The following CLSTN2 variants were observed in gnomAD, a reference collection of about 807,000 sequenced individuals.
CLSTN2 encodes calsyntenin-2.
CLSTN2 carries 48 observed loss-of-function variants against 101.2 expected under a neutral mutation model. That is an observed-to-expected ratio of 0.47 (90% CI 0.38 to 0.60). CLSTN2 has a LOEUF of 0.60. CLSTN2 is among the 20% of genes least tolerant of loss of function. The pLI is 0.00. For synonymous variants in CLSTN2, 481 were observed against 463.6 expected (o/e 1.04, Z -0.48); for missense variants, 1,160 against 1,238.2 (o/e 0.94, Z 0.95).
intron 1 of CLSTN2, among the ~76,000 whole-genome samples, chr3:140,173,514 C>T (rs2010271578): frequency 1.3e-5 from 2 of 152,208 alleles, no homozygotes; most frequent in South Asian, 4.1e-4. Flanking sequence ...CACAGCTCCA[C>T]TAGGCGATTC....
intron 3 of CLSTN2, 106 bp downstream of exon 3, chr3:140,403,930 T>C (rs1428764034): frequency 4.1e-6 from 4 of 968,978 alleles, no homozygotes; most frequent in Non-Finnish European, 6.1e-6. Flanking sequence ...CACACAATGG[T>C]GCTCCAACTT....
chr3:140,373,387 C>T (rs2087880038), intron 2 of CLSTN2, among the ~76,000 whole-genome samples: 1 of 152,194 alleles, frequency 6.6e-6, no homozygotes, highest in Non-Finnish European at 1.5e-5. Context: ...AAGCATAAAA[C>T]ATGCCCAGTG....
rs547537605 is a variant in CLSTN2, at chr3:140,187,114, C to G, written c.232+11041C>G. ...TGAAGTCCCTAAAGAGGTGAGACAC[C>G]AGGTATAACACTGCAGCCTGCCCTC... is the stretch of plus-strand genomic sequence containing the variant. On this transcript the variant is annotated intron_variant, in intron 2 of 16. Transcript: ENST00000458420. 2.6e-5 allele frequency among the ~76,000 whole-genome samples: 4 copies of G among 152,236 alleles called. No homozygotes were observed. The South Asian group carries it at 8.3e-4, about 32-fold the overall frequency.
Position 140,013,799 on chromosome 3 carries a change from C to T in CLSTN2, c.109+78316C>T, listed in dbSNP as rs564862141. 5.3e-5 allele frequency among the ~76,000 whole-genome samples: 8 copies of T among 152,258 alleles called. No individual in the cohort carries two copies. In the South Asian group the frequency reaches 1.5e-3, roughly 28 times the overall value. On this transcript the variant is annotated intron_variant, in intron 1 of 16. Coordinates refer to ENST00000458420, the MANE Select transcript of CLSTN2 (RefSeq NM_022131.3). ...TATAAGCTGACTCCTCCAGATGTCA[C>T]TAGCCAGCGTTAGAGGTGGGGGCAG...
intron 1 of CLSTN2, among the ~76,000 whole-genome samples, chr3:140,042,004 C>T (rs1376512940): frequency 6.6e-6 from 1 of 152,164 alleles, no homozygotes; most frequent in African/African-American, 2.4e-5. Context: ...ATATATATCT[C>T]AGCTTTCTTG....
intron 8 of CLSTN2, among the ~76,000 whole-genome samples, chr3:140,473,381 G>A (rs1232828349): frequency 6.6e-6 from 1 of 152,190 alleles, no homozygotes; most frequent in Admixed American, 6.5e-5. Flanking sequence ...TGAATATGTG[G>A]CATTACATGG....
intron 1 of CLSTN2, among the ~76,000 whole-genome samples, chr3:140,126,695 G>A (rs1426571011): frequency 6.6e-6 from 1 of 152,134 alleles, no homozygotes; most frequent in African/African-American, 2.4e-5. Context: ...TTTTCCTAAT[G>A]ACCTGTATCT....
Position 139,961,418 on chromosome 3 carries a change from G to T in CLSTN2, c.109+25935G>T, listed in dbSNP as rs187300974. ...ATGGATGTGGCAGAGGAGGCATTAA[G>T]TGAAGAAAAAGACCTCACCTCTGTC... On this transcript the variant is annotated intron_variant, in intron 1 of 16. Transcript: ENST00000458420. 4.0e-4 allele frequency among the ~76,000 whole-genome samples: 61 copies of T among 152,298 alleles called. No individual in the cohort carries two copies. In the East Asian group the frequency reaches 0.01, roughly 26 times the overall value.
intron 1 of CLSTN2, among the ~76,000 whole-genome samples, chr3:140,098,393 C>T (rs1009291091): frequency 1.3e-5 from 2 of 152,300 alleles, no homozygotes; most frequent in Admixed American, 6.5e-5. Flanking sequence ...TTCACAAGTA[C>T]TTGGCTACTA....
intron 7 of CLSTN2, chr3:140,462,934 A>AATGTTC (rs1340829289): frequency 3.3e-5 from 5 of 152,274 alleles, no homozygotes; most frequent in African/African-American, 1.2e-4. Flanking sequence ...TCCATTTGCC[A>AATGTTC]CAACTTGGTC....
intron 8 of CLSTN2, among the ~76,000 whole-genome samples, chr3:140,467,716 C>G (rs968909659): frequency 7.9e-5 from 12 of 152,200 alleles, no homozygotes; most frequent in African/African-American, 2.7e-4. Context: ...TGAGGGCTGA[C>G]TGATTCATAA....
At position 140,567,937 on chromosome 3, in the gene CLSTN2, T is replaced by C. The variant is rs1576381602; in HGVS notation, c.*1684T>C. On this transcript the variant is annotated 3_prime_UTR_variant, in exon 17 of 17. Transcript: ENST00000458420. ...AACTTTCTGATTCATGAGAACAACC[T>C]TGTGAAGCTTTTCCCACCTCCTAAA... is the stretch of plus-strand genomic sequence containing the variant. 1 of 152,248 alleles carries C rather than the reference T, an allele frequency of 6.6e-6. No homozygotes were observed. The highest frequency in any genetic ancestry group is 6.5e-5 in the Admixed American group (1 of 15,284). 9.4% of individuals were successfully genotyped at this position (152,248 alleles called of 1,614,324 possible). A position where few individuals can be genotyped will look rare whatever the true frequency, so the allele number is the denominator to read the frequency against.
chr3:140,274,993 T>C (rs1382589139), intron 2 of CLSTN2, among the ~76,000 whole-genome samples: 1 of 152,184 alleles, frequency 6.6e-6, no homozygotes, highest in South Asian at 2.1e-4. Context: ...TTTGGGATCC[T>C]GGAATGGCTT....
intron 8 of CLSTN2, among the ~76,000 whole-genome samples, chr3:140,491,641 G>A (rs1316435973): frequency 1.3e-5 from 2 of 152,172 alleles, no homozygotes; most frequent in African/African-American, 4.8e-5. Flanking sequence ...GGGCAACGTG[G>A]CAAAACCGCT....
At chr3:140,365,862 G>A (rs1282761224) in intron 2 of CLSTN2, among the ~76,000 whole-genome samples, 1 of 152,184 alleles carries the variant, frequency 6.6e-6, no homozygotes, top group Non-Finnish European at 1.5e-5. Context: ...AACATCTAGA[G>A]AGAAATCGAG....
At chr3:140,004,832 A>G (rs953385168) in intron 1 of CLSTN2, among the ~76,000 whole-genome samples, 1 of 151,420 alleles carries the variant, frequency 6.6e-6, no homozygotes, top group Non-Finnish European at 1.5e-5. Flanking sequence ...ATGGTATTTT[A>G]TACCTTGTTA....
rs78773584 is a variant in CLSTN2, at chr3:140,270,445, G to A, written c.232+94372G>A. Among the ~76,000 whole-genome samples the A allele has an allele frequency of 3.1e-3, 467 of 152,294 alleles. 1 individual carries two copies. The highest frequency in any genetic ancestry group is 9.8e-3 in the African/African-American group (406 of 41,566). ...AACAAATGAGACAGGGTCCCTGGTT[G>A]GGAGGTGTCTGCCGTCCGGTTGTTA... On this transcript the variant is annotated intron_variant, in intron 2 of 16. Coordinates refer to ENST00000458420, the MANE Select transcript of CLSTN2 (RefSeq NM_022131.3).
At chr3:140,367,138 A>G (rs1263979384) in intron 2 of CLSTN2, among the ~76,000 whole-genome samples, 3 of 152,366 alleles carry the variant, frequency 2.0e-5, no homozygotes, top group East Asian at 3.9e-4. Context: ...AGGAGGACAC[A>G]TAAAAAGGAG....
intron 2 of CLSTN2, among the ~76,000 whole-genome samples, chr3:140,326,445 A>G (rs575887817): frequency 6.6e-6 from 1 of 152,222 alleles, no homozygotes; most frequent in South Asian, 2.1e-4. Flanking sequence ...GAAGTTGTAC[A>G]CTACCTACGT....
Sources: allele counts gnomAD v4.1 joint callset (sites outside exome capture counted in the v4.1 genomes callset), GRCh38; gene constraint gnomAD v4.1.1; transcripts MANE v1.5; gene names NCBI Gene and HGNC (gene_info 2026-07-23, HGNC 2026-07-21).